The following KCNIP1 variants were observed in gnomAD, a reference collection of about 807,000 sequenced individuals.
KCNIP1 encodes the protein A-type potassium channel modulatory protein KCNIP1.
A neutral mutation model predicts 33.0 loss-of-function variants in KCNIP1; 18 were observed. The observed-to-expected ratio is 0.55, with a 90% confidence interval of 0.38 to 0.81. The LOEUF (loss-of-function observed/expected upper bound fraction) is 0.81. KCNIP1 is among the 30% of genes least tolerant of loss of function. The pLI, the probability that KCNIP1 is intolerant of heterozygous loss-of-function variation, is 0.00. For synonymous variants in KCNIP1, 93 were observed against 98.3 expected, an observed-to-expected ratio of 0.95 and a Z score of 0.32; for missense variants, 238 against 271.6, an observed-to-expected ratio of 0.88 and a Z score of 0.87.
chr5:170,557,361 G>A (rs1386167251), intron 1 of KCNIP1, among the ~76,000 whole-genome samples: 1 of 152,178 alleles, frequency 6.6e-6, no homozygotes, highest in African/African-American at 2.4e-5. Context: ...TGGGTCCATT[G>A]CGAAGTCATC....
At chr5:170,523,452 T>G (rs1490688571) in intron 1 of KCNIP1, among the ~76,000 whole-genome samples, 1 of 152,180 alleles carries the variant, frequency 6.6e-6, no homozygotes, top group Non-Finnish European at 1.5e-5. Flanking sequence ...GTTCCGGAAC[T>G]GCAGCCAGTG....
At chr5:170,430,530 T>C (rs1388889575) in intron 1 of KCNIP1, among the ~76,000 whole-genome samples, 1 of 152,218 alleles carries the variant, frequency 6.6e-6, no homozygotes, top group Admixed American at 6.5e-5. Flanking sequence ...ACATTGCTAC[T>C]TCCTTGGCTC....
chr5:170,386,129 A>AAAT (rs1764462102), intron 1 of KCNIP1, among the ~76,000 whole-genome samples: 1 of 152,056 alleles, frequency 6.6e-6, no homozygotes, highest in African/African-American at 2.4e-5. Context: ...CGTCAAAAAA[A>AAAT]AAAACAAAAA....
At chr5:170,394,223 G>A (rs1754693432) in intron 1 of KCNIP1, among the ~76,000 whole-genome samples, 1 of 152,134 alleles carries the variant, frequency 6.6e-6, no homozygotes, top group Non-Finnish European at 1.5e-5. Context: ...GCCACTCTCC[G>A]CGCCTCCTGG....
At chr5:170,388,088 C>T (rs314108) in intron 1 of KCNIP1, among the ~76,000 whole-genome samples, 17,846 of 152,234 alleles carry the variant, frequency 0.12, 1,194 homozygotes, top group East Asian at 0.21. Context: ...GGCCCCTGGG[C>T]ACTCCTGAGG....
At chr5:170,632,874 A>G (rs1760113048) in intron 1 of KCNIP1, among the ~76,000 whole-genome samples, 1 of 152,208 alleles carries the variant, frequency 6.6e-6, no homozygotes, top group Admixed American at 6.5e-5. Flanking sequence ...CCATGGGACA[A>G]CCATGTAAAA....
At chr5:170,484,876 C>T (rs531748444) in intron 1 of KCNIP1, among the ~76,000 whole-genome samples, 1 of 152,116 alleles carries the variant, frequency 6.6e-6, no homozygotes, top group South Asian at 2.1e-4. Context: ...TTGCCACCCT[C>T]CCTCTCTGTA....
intron 1 of KCNIP1, among the ~76,000 whole-genome samples, chr5:170,622,800 C>A (rs960113662): frequency 6.6e-6 from 1 of 152,092 alleles, no homozygotes; most frequent in African/African-American, 2.4e-5. Flanking sequence ...CCTGCTGACA[C>A]CCTGACTTCA....
At chr5:170,638,362 C>G (rs1760384742) in intron 1 of KCNIP1, among the ~76,000 whole-genome samples, 1 of 152,158 alleles carries the variant, frequency 6.6e-6, no homozygotes, top group Non-Finnish European at 1.5e-5. Flanking sequence ...ATGGAGTCCT[C>G]TCAGTCACCT....
intron 1 of KCNIP1, among the ~76,000 whole-genome samples, chr5:170,567,307 A>C (rs1757237795): frequency 6.6e-6 from 1 of 152,204 alleles, no homozygotes; most frequent in African/African-American, 2.4e-5. Flanking sequence ...CCAGTCCAAA[A>C]TGCCATAGTG....
At chr5:170,624,835 C>T (rs905820) in intron 1 of KCNIP1, among the ~76,000 whole-genome samples, 71,190 of 150,324 alleles carry the variant, frequency 0.47, 17,454 homozygotes, top group East Asian at 0.67. Context: ...ACCATCCTTA[C>T]CCTGGCCCAG....
At chr5:170,590,732 G>T (rs986770266) in intron 1 of KCNIP1, among the ~76,000 whole-genome samples, 1 of 152,224 alleles carries the variant, frequency 6.6e-6, no homozygotes, top group Non-Finnish European at 1.5e-5. Context: ...CAGTGCAAAT[G>T]CTGTAACAAA....
intron 1 of KCNIP1, among the ~76,000 whole-genome samples, chr5:170,557,725 T>C (rs994588113): frequency 2.0e-5 from 3 of 151,804 alleles, no homozygotes; most frequent in Non-Finnish European, 2.9e-5. Flanking sequence ...GCTTGAGAAA[T>C]AGGAAGAGTG....
upstream of KCNIP1, among the ~76,000 whole-genome samples, chr5:170,500,788 C>A (rs1367362237): frequency 6.6e-6 from 1 of 152,158 alleles, no homozygotes; most frequent in Non-Finnish European, 1.5e-5. Flanking sequence ...AAGGCGTCCG[C>A]AGGAATAAAT....
intron 1 of KCNIP1, among the ~76,000 whole-genome samples, chr5:170,410,957 T>C (rs957367846): frequency 6.6e-6 from 1 of 152,184 alleles, no homozygotes; most frequent in Non-Finnish European, 1.5e-5. Flanking sequence ...TATTCTGAGA[T>C]GAGAGATGAT....
chr5:170,413,913 T>C (rs1338047065), intron 1 of KCNIP1, among the ~76,000 whole-genome samples: 1 of 136,096 alleles, frequency 7.3e-6, no homozygotes, highest in Admixed American at 7.7e-5. Flanking sequence ...TCTGCTACCA[T>C]TCCTGAGTGG....
Position 170,358,440 on chromosome 5 carries a change from G to A in KCNIP1, c.88+4476G>A, listed in dbSNP as rs1321865070. ...CTTGCCTCCTCCCACTGCTGTTCAA[G>A]ATCCTCAAGAGACTGACCTTGGACC... On this transcript the variant is annotated intron_variant, in intron 1 of 7. Coordinates refer to the KCNIP1 transcript ENST00000377360. Among the ~76,000 whole-genome samples the A allele has an allele frequency of 2.0e-5, 3 of 152,258 alleles. No homozygotes were observed. The East Asian group carries it at 5.8e-4, about 29-fold the overall frequency.
At chr5:170,632,538 G>A (rs535446949) in intron 1 of KCNIP1, among the ~76,000 whole-genome samples, 9 of 152,348 alleles carry the variant, frequency 5.9e-5, no homozygotes, top group Admixed American at 2.0e-4. Context: ...GCTCTGCTGC[G>A]TGGCCCTGGG....
At chr5:170,502,665 G>A (rs1757438015), upstream of KCNIP1, among the ~76,000 whole-genome samples, 1 of 152,158 alleles carries the variant, frequency 6.6e-6, no homozygotes, top group East Asian at 1.9e-4. Flanking sequence ...GGGACTTTCT[G>A]GGCATGCATG....
Sources: allele counts gnomAD v4.1 joint callset (sites outside exome capture counted in the v4.1 genomes callset), GRCh38; gene constraint gnomAD v4.1.1; transcripts MANE v1.5; gene names NCBI Gene and HGNC (gene_info 2026-07-23, HGNC 2026-07-21).